Variants in CCDC3 observed in about 807,000 individuals in gnomAD.
CCDC3 encodes coiled-coil domain containing 3.
Under a neutral mutation model 21.4 loss-of-function variants are expected in CCDC3, and 24 were observed. The ratio of observed to expected loss-of-function variants is 1.12; its 90% CI spans 0.81 to 1.58. The LOEUF is 1.58. CCDC3 is among the 40% of genes most tolerant of loss of function. The pLI is 0.00. For missense variants in CCDC3, 425 were observed against 360.9 expected, an observed-to-expected ratio of 1.18 and a Z score of -1.44; for synonymous variants, 186 against 166.0, an observed-to-expected ratio of 1.12 and a Z score of -0.93.
chr10:13,029,327 T>C (rs1418940445), intron 5 of CCDC3, among the ~76,000 whole-genome samples: 1 of 152,262 alleles, frequency 6.6e-6, no homozygotes, highest in Non-Finnish European at 1.5e-5. Context: ...CAAAACCTCA[T>C]CTGTACGTCA....
chr10:13,090,351 G>T (rs1378261358), intron 3 of CCDC3, among the ~76,000 whole-genome samples: 1 of 152,136 alleles, frequency 6.6e-6, no homozygotes, highest in Non-Finnish European at 1.5e-5. Flanking sequence ...GCCTCCCAAA[G>T]TGCTAGGATT....
At chr10:13,042,293 G>A (rs1400696204) in intron 5 of CCDC3, among the ~76,000 whole-genome samples, 1 of 152,230 alleles carries the variant, frequency 6.6e-6, no homozygotes, top group Non-Finnish European at 1.5e-5. Flanking sequence ...GAGATGGTTG[G>A]TGGGTGGACT....
chr10:12,947,871 C>T (rs1419409117), intron 2 of CCDC3, among the ~76,000 whole-genome samples: 1 of 152,234 alleles, frequency 6.6e-6, no homozygotes, highest in Non-Finnish European at 1.5e-5. Context: ...GGTGTGCCTG[C>T]TCTTATTAGC....
chr10:13,036,302 C>T (rs1836376874), intron 5 of CCDC3, among the ~76,000 whole-genome samples: 1 of 152,158 alleles, frequency 6.6e-6, no homozygotes. Flanking sequence ...CTGAATTTAA[C>T]AGGTTTTTCA....
intron 3 of CCDC3, among the ~76,000 whole-genome samples, chr10:13,089,910 A>T (rs917544838): frequency 1.3e-5 from 2 of 148,232 alleles, no homozygotes; most frequent in East Asian, 4.0e-4. Context: ...TGTGAGTGAG[A>T]ACATACGATG....
upstream of CCDC3, among the ~76,000 whole-genome samples, chr10:13,006,111 A>G (rs1422610823): frequency 2.0e-5 from 3 of 152,216 alleles, no homozygotes; most frequent in African/African-American, 4.8e-5. Flanking sequence ...ACTGTCATCC[A>G]TGAGGTAATC....
At chr10:12,922,981 C>G (rs893220871) in intron 2 of CCDC3, among the ~76,000 whole-genome samples, 1 of 152,158 alleles carries the variant, frequency 6.6e-6, no homozygotes, top group Non-Finnish European at 1.5e-5. Flanking sequence ...TTCCCTCTCC[C>G]TTTGTGAGTG....
rs77611319 is a variant in CCDC3, at chr10:12,911,736, C to T, written c.550-13057G>A. On this transcript the variant is annotated intron_variant, in intron 2 of 2. Coordinates refer to ENST00000378825, the MANE Select transcript of CCDC3 (RefSeq NM_031455.4). ...TTGTATTGTTATTAACTGTAGCCAC[C>T]ATGATGTCCATTAGATCTCCTGAAG... Among the ~76,000 whole-genome samples the T allele has an allele frequency of 1.2e-3, 189 of 152,270 alleles. 2 individuals are homozygous for T. In the East Asian group the frequency reaches 0.025, roughly 20 times the overall value.
At position 12,938,411 on chromosome 10, in the gene CCDC3, C is replaced by T. The variant is rs577913111; in HGVS notation, c.550-39732G>A. ...CCACACTTGGCTTCAGCTACTTTCT[C>T]CTGTGGCTATCCCCACTGCTACGTC... is the stretch of plus-strand genomic sequence containing the variant. On this transcript the variant is annotated intron_variant, in intron 2 of 2. Coordinates refer to ENST00000378825, the MANE Select transcript of CCDC3 (RefSeq NM_031455.4). 2.6e-5 allele frequency among the ~76,000 whole-genome samples: 4 copies of T among 152,352 alleles called. No individual in the cohort carries two copies. The South Asian group carries it at 8.3e-4, about 32-fold the overall frequency.
At chr10:12,947,143 CT>C (rs66542050) in intron 2 of CCDC3, among the ~76,000 whole-genome samples, 197 of 145,428 alleles carry the variant, frequency 1.4e-3, no homozygotes, top group Admixed American at 1.7e-3. Flanking sequence ...CTTTTGCTCA[CT>C]TTTTTTTTTT....
intron 2 of CCDC3, among the ~76,000 whole-genome samples, chr10:12,966,821 G>C (rs1452028697): frequency 6.6e-6 from 1 of 152,182 alleles, no homozygotes; most frequent in African/African-American, 2.4e-5. Flanking sequence ...CTAAAATGAA[G>C]AGGTTTAACC....
chr10:13,035,817 A>G (rs1836370611), intron 5 of CCDC3, among the ~76,000 whole-genome samples: 1 of 152,192 alleles, frequency 6.6e-6, no homozygotes, highest in Non-Finnish European at 1.5e-5. Context: ...TAGGGAGAGA[A>G]GCAAAAAGGA....
At chr10:12,904,379 G>C (rs1404410957) in intron 2 of CCDC3, among the ~76,000 whole-genome samples, 1 of 148,806 alleles carries the variant, frequency 6.7e-6, no homozygotes, top group Non-Finnish European at 1.5e-5. Context: ...TGAAGCTAGA[G>C]GATCACTTGA....
At chr10:13,027,458 G>A (rs751871068) in intron 5 of CCDC3, among the ~76,000 whole-genome samples, 9 of 151,984 alleles carry the variant, frequency 5.9e-5, no homozygotes, top group Non-Finnish European at 1.2e-4. Context: ...TCTCTCTGAC[G>A]TCTCATTGCA....
chr10:12,979,190 C>T (rs563051060), intron 2 of CCDC3, among the ~76,000 whole-genome samples: 1 of 152,270 alleles, frequency 6.6e-6, no homozygotes, highest in African/African-American at 2.4e-5. Context: ...ATGTCAATTA[C>T]CAACTTATCT....
At chr10:12,987,535 G>A (rs1397145956) in intron 2 of CCDC3, among the ~76,000 whole-genome samples, 1 of 152,060 alleles carries the variant, frequency 6.6e-6, no homozygotes, top group Non-Finnish European at 1.5e-5. Flanking sequence ...ACCTCAGAAT[G>A]GTCAAGTGAC....
intron 5 of CCDC3, among the ~76,000 whole-genome samples, chr10:13,044,584 C>T (rs1351559784): frequency 6.6e-6 from 1 of 152,160 alleles, no homozygotes; most frequent in African/African-American, 2.4e-5. Context: ...TATCCCAGCA[C>T]CATTTATTGA....
intron 2 of CCDC3, among the ~76,000 whole-genome samples, chr10:12,946,636 C>G (rs1460702212): frequency 1.3e-5 from 2 of 152,196 alleles, no homozygotes; most frequent in Non-Finnish European, 2.9e-5. Flanking sequence ...GTGCCCGATT[C>G]ATGAACTGTT....
intron 4 of CCDC3, among the ~76,000 whole-genome samples, chr10:13,063,599 G>A (rs142494403): frequency 6.6e-5 from 10 of 152,264 alleles, no homozygotes; most frequent in African/African-American, 2.4e-4. Flanking sequence ...TCAAAGCCAC[G>A]TAAATAGTAA....
Sources: allele counts gnomAD v4.1 joint callset (sites outside exome capture counted in the v4.1 genomes callset), GRCh38; gene constraint gnomAD v4.1.1; transcripts MANE v1.5; gene names NCBI Gene and HGNC (gene_info 2026-07-23, HGNC 2026-07-21).